The following GULP1 variants were observed in gnomAD, a reference collection of about 807,000 sequenced individuals.
GULP1 encodes the protein GULP PTB domain containing engulfment adaptor 1, also known as PTB domain-containing engulfment adapter protein 1.
A neutral mutation model predicts 40.9 loss-of-function variants in GULP1; 19 were observed. The ratio of observed to expected loss-of-function variants is 0.46; its 90% CI spans 0.32 to 0.68. The LOEUF is 0.68. Ranked by LOEUF, GULP1 falls within the 30% of genes least tolerant of loss-of-function variation. The pLI is 0.03. For synonymous variants in GULP1, 119 were observed against 117.6 expected, an observed-to-expected ratio of 1.01 and a Z score of -0.08; for missense variants, 312 against 362.2, an observed-to-expected ratio of 0.86 and a Z score of 1.12.
intron 9 of GULP1, among the ~76,000 whole-genome samples, chr2:188,579,776 C>T (rs1250423426): frequency 1.3e-5 from 2 of 152,050 alleles, no homozygotes; most frequent in African/African-American, 2.4e-5. Context: ...TGTAAGTTTA[C>T]CTCCCCAGAG....
chr2:188,452,471 T>A (rs1221708079), intron 2 of GULP1, among the ~76,000 whole-genome samples: 1 of 152,216 alleles, frequency 6.6e-6, no homozygotes, highest in Non-Finnish European at 1.5e-5. Flanking sequence ...CCCCACATAT[T>A]TATGAACTTT....
intron 11 of GULP1, chr2:188,588,598 A>T (rs1305454946): frequency 1.3e-5 from 2 of 152,228 alleles, no homozygotes; most frequent in Non-Finnish European, 2.9e-5. Context: ...TTCTCTTTAT[A>T]TTTGCCCTTT....
rs372820602 is a variant in GULP1, at chr2:188,547,881, C to T, written c.399+6563C>T. 3.2e-4 allele frequency among the ~76,000 whole-genome samples: 49 copies of T among 152,054 alleles called. 1 individual carries two copies. In the South Asian group the frequency reaches 7.7e-3, roughly 24 times the overall value. ...CCACATGGAAAATCTAAAGAAGAAACGTGATAATACCAGTCAGTGCTTTAA... is the reference window on the plus strand; with the variant it reads ...CCACATGGAAAATCTAAAGAAGAAATGTGATAATACCAGTCAGTGCTTTAA... On this transcript the variant is annotated intron_variant, in intron 7 of 11. Transcript: ENST00000409830.
intron 11 of GULP1, chr2:188,589,705 CTT>C: frequency 8.0e-7 from 1 of 1,253,778 alleles, no homozygotes; most frequent in Non-Finnish European, 1.1e-6. Flanking sequence ...TTCTTAATGT[CTT>C]TTTAAATTCT....
intron 2 of GULP1, among the ~76,000 whole-genome samples, chr2:188,459,544 G>C (rs2059538738): frequency 6.6e-6 from 1 of 152,014 alleles, no homozygotes; most frequent in Non-Finnish European, 1.5e-5. Context: ...AGAGTTGTTT[G>C]ACCTCCTTAT....
At chr2:188,477,526 T>C in intron 2 of GULP1, 133 bp from the exon 3 acceptor site, 1 of 524,146 alleles carries the variant, frequency 1.9e-6, no homozygotes, top group East Asian at 3.5e-5. Context: ...CAATGTCCTT[T>C]GAGGCATTTT....
At chr2:188,569,018 A>C (rs919485124) in intron 7 of GULP1, among the ~76,000 whole-genome samples, 1 of 151,982 alleles carries the variant, frequency 6.6e-6, no homozygotes, top group Non-Finnish European at 1.5e-5. Flanking sequence ...ACCCACCCCC[A>C]AGTCCGCTTG....
intron 2 of GULP1, among the ~76,000 whole-genome samples, chr2:188,400,971 G>C (rs1279745754): frequency 6.6e-6 from 1 of 150,778 alleles, no homozygotes; most frequent in Non-Finnish European, 1.5e-5. Flanking sequence ...GTGTGTAAGA[G>C]AGGGAGAGAG....
chr2:188,428,343 A>G (rs570525047), intron 2 of GULP1, among the ~76,000 whole-genome samples: 100 of 152,228 alleles, frequency 6.6e-4, no homozygotes, highest in African/African-American at 2.3e-3. Flanking sequence ...GCGTGATTGC[A>G]TTTTGCAATG....
chr2:188,440,641 T>G (rs576201756), intron 2 of GULP1, among the ~76,000 whole-genome samples: 6 of 152,166 alleles, frequency 3.9e-5, no homozygotes. Context: ...CTCGGCTCAC[T>G]GCAACCTTCG....
chr2:188,372,505 A>T (rs1474000186), intron 1 of GULP1, among the ~76,000 whole-genome samples: 1 of 152,030 alleles, frequency 6.6e-6, no homozygotes. Flanking sequence ...CTTCTCCTGG[A>T]ATGTGTAATA....
chr2:188,435,743 A>G (rs1030075177), intron 2 of GULP1, among the ~76,000 whole-genome samples: 1 of 152,032 alleles, frequency 6.6e-6, no homozygotes, highest in Non-Finnish European at 1.5e-5. Context: ...ATTTCCTTGC[A>G]TGCAGCTGCA....
At position 188,359,208 on chromosome 2, in the gene GULP1, T is replaced by G. The variant is rs541771104; in HGVS notation, c.-171-24555T>G. On this transcript the variant is annotated intron_variant, in intron 1 of 11. Coordinates refer to ENST00000409830, the MANE Select transcript of GULP1 (RefSeq NM_016315.4). ...CATTCTGTTCTCATTTCATTATTTT[T>G]TAACATTAATTTATTCTTTCAAAAG... Among the ~76,000 whole-genome samples the G allele has an allele frequency of 3.9e-5, 6 of 152,238 alleles. No individual in the cohort carries two copies. In the South Asian group the frequency reaches 1.2e-3, roughly 32 times the overall value.
rs1449248709 is a variant in GULP1 at position 188,563,408 on chromosome 2, T to C, written c.400-5831T>C. On this transcript the variant is annotated intron_variant, in intron 7 of 11. Transcript: ENST00000409830. The stretch of plus-strand genomic sequence containing the variant: ...CAGTAAATTTGGTAAATAATATAAA[T>C]TGATAAATATCTTGAAACTCAATTT... Among the ~76,000 whole-genome samples the C allele has an allele frequency of 3.3e-5, 5 of 151,158 alleles. No homozygotes were observed. The East Asian group carries it at 5.8e-4, about 18-fold the overall frequency.
At chr2:188,332,357 T>G (rs996980729) in intron 1 of GULP1, among the ~76,000 whole-genome samples, 4 of 152,036 alleles carry the variant, frequency 2.6e-5, no homozygotes, top group African/African-American at 4.8e-5. Context: ...ACCTGGCTAA[T>G]TTTTGTATTT....
At chr2:188,444,469 A>T (rs2058213596) in intron 2 of GULP1, among the ~76,000 whole-genome samples, 1 of 152,216 alleles carries the variant, frequency 6.6e-6, no homozygotes, top group Non-Finnish European at 1.5e-5. Context: ...TTGAGAAAAC[A>T]CATTTTCCTT....
At chr2:188,449,571 A>T (rs1437594412) in intron 2 of GULP1, among the ~76,000 whole-genome samples, 3 of 152,234 alleles carry the variant, frequency 2.0e-5, no homozygotes, top group African/African-American at 7.2e-5. Context: ...GCATTGTGAG[A>T]TATCATTACT....
chr2:188,500,318 A>C (rs1231584731), intron 4 of GULP1, among the ~76,000 whole-genome samples: 1 of 151,930 alleles, frequency 6.6e-6, no homozygotes, highest in African/African-American at 2.4e-5. Context: ...TAGCAAAATA[A>C]GGGACACAGA....
Position 188,587,862 on chromosome 2 carries a change from C to A in GULP1, c.756C>A (p.Asp252Glu). The A allele has an allele frequency of 2.5e-6, 4 of 1,591,908 alleles. No individual in the cohort carries two copies. The highest frequency in any genetic ancestry group is 3.4e-6 in the Non-Finnish European group (4 of 1,161,846). The change falls in exon 11 of 12, where the codon GAC becomes GAA. Residue 252 changes from aspartate to glutamate, a missense_variant. Coordinates refer to ENST00000409830, the MANE Select transcript of GULP1 (RefSeq NM_016315.4). The stretch of plus-strand genomic sequence containing the variant: ...TTATTTCCTTCCTTGCAGAACGGGA[C>A]CTGTTTGGAGCAGAACCTTTTGACC... ...VPSRSTEIKRDLFGAEPFDPF... is the reference protein window; with the variant it reads ...VPSRSTEIKRELFGAEPFDPF...
Sources: allele counts gnomAD v4.1 joint callset (sites outside exome capture counted in the v4.1 genomes callset), GRCh38; gene constraint gnomAD v4.1.1; transcripts MANE v1.5; gene names NCBI Gene and HGNC (gene_info 2026-07-23, HGNC 2026-07-21).